STX5: variants seen among roughly 807,000 people sequenced by gnomAD.
The protein encoded by STX5 is syntaxin-5.
Under a neutral mutation model 42.9 loss-of-function variants are expected in STX5, and 15 were observed. That is an observed-to-expected ratio of 0.35 (90% CI 0.23 to 0.54). The LOEUF is 0.54. Among genes scored for constraint, STX5 ranks in the 20% least tolerant of loss-of-function variants. The pLI is 0.91. For missense variants in STX5, 430 were observed against 455.0 expected (o/e 0.95, Z 0.50); for synonymous variants, 184 against 173.2 (o/e 1.06, Z -0.49).
chr11:62,830,102 A>C (rs2084839596), intron 2 of STX5, among the ~76,000 whole-genome samples: 1 of 148,272 alleles, frequency 6.7e-6, no homozygotes, highest in South Asian at 2.1e-4. Flanking sequence ...AGAGGAAGAG[A>C]CTGGGCCTCG....
intron 10 of STX5, among the ~76,000 whole-genome samples, chr11:62,817,871 A>G (rs1025291334): frequency 6.6e-6 from 1 of 152,192 alleles, no homozygotes; most frequent in African/African-American, 2.4e-5. Context: ...ACCTGGAAAC[A>G]TATATATGTA....
intron 2 of STX5, 87 bp from the exon 3 acceptor site, chr11:62,827,718 T>C: frequency 3.0e-6 from 4 of 1,347,534 alleles, no homozygotes; most frequent in Admixed American, 3.6e-5. Flanking sequence ...CACTAACCTA[T>C]CTCTAGTGCT....
chr11:62,814,532 G>A (rs979892531), intron 10 of STX5, among the ~76,000 whole-genome samples: 5 of 151,432 alleles, frequency 3.3e-5, no homozygotes, highest in South Asian at 2.1e-4. Context: ...GCGTGATCTC[G>A]GCTCACCCAA....
At chr11:62,821,920 G>A (rs888896017) in intron 10 of STX5, among the ~76,000 whole-genome samples, 1 of 152,142 alleles carries the variant, frequency 6.6e-6, no homozygotes, top group Admixed American at 6.5e-5. Context: ...CAGCTACTCA[G>A]GAGGCTGAGG....
chr11:62,824,369 C>T, intron 9 of STX5, 82 bp from the exon 10 acceptor site: 1 of 1,612,488 alleles, frequency 6.2e-7, no homozygotes, highest in Non-Finnish European at 8.5e-7. Context: ...CCCAGCTTGC[C>T]ATTCTGCCCA....
rs530035424 is a variant in STX5, at chr11:62,823,821, G to A, written c.908+345C>T. On this transcript the variant is annotated intron_variant, in intron 10 of 10. Transcript: ENST00000294179. ...CTCGGCCTCCCAAAGTGCTGCCTAT[G>A]GGATTACAGGTGTGAGTCACTGTGC... 9.4e-5 allele frequency: 25 copies of A among 266,048 alleles called. 1 individual carries two copies. In the South Asian group the frequency reaches 1.1e-3, roughly 12 times the overall value. 16.5% of individuals were successfully genotyped at this position (266,048 alleles called of 1,614,324 possible). A position where few individuals can be genotyped will look rare whatever the true frequency, so the allele number is the denominator to read the frequency against.
chr11:62,825,937 G>T (rs2084790622), intron 5 of STX5, among the ~76,000 whole-genome samples: 1 of 152,178 alleles, frequency 6.6e-6, no homozygotes, highest in African/African-American at 2.4e-5. Flanking sequence ...AGGCACTGTA[G>T]TTTCGAGAGG....
At chr11:62,813,083 G>C in intron 10 of STX5, among the ~76,000 whole-genome samples, 1 of 138,484 alleles carries the variant, frequency 7.2e-6, no homozygotes, top group South Asian at 2.4e-4. Flanking sequence ...GGCAGAGTGA[G>C]ACTCCGTCTC....
intron 5 of STX5, 49 bp downstream of exon 5, chr11:62,827,104 CAG>C (rs2134853326): frequency 1.3e-6 from 2 of 1,558,816 alleles, no homozygotes; most frequent in East Asian, 4.5e-5. Context: ...GACAGGAAGA[CAG>C]AAGTGATCTG....
Position 62,824,157 on chromosome 11 carries a change from G to A in STX5, c.908+9C>T, listed in dbSNP as rs751875289. Reference sequence around the variant, plus strand: ...GCTCCTCTGTTTGGGGCGAGAGAGTGTATCTCACCTCTGAATGGTTTCCTC... The same window carrying A: ...GCTCCTCTGTTTGGGGCGAGAGAGTATATCTCACCTCTGAATGGTTTCCTC... On this transcript the variant is annotated intron_variant, in intron 10 of 10. Coordinates refer to ENST00000294179, the MANE Select transcript of STX5 (RefSeq NM_003164.5). 1 of 1,614,168 alleles carries A rather than the reference G, an allele frequency of 6.2e-7. No homozygotes were observed.
intron 8 of STX5, 37 bp from the exon 9 acceptor site, chr11:62,824,602 T>A (rs749984448): frequency 6.9e-6 from 11 of 1,602,524 alleles, no homozygotes; most frequent in Middle Eastern, 1.6e-4. Context: ...ACCTTAACAG[T>A]TAAAAGCAGG....
At position 62,807,279 on chromosome 11, in the gene STX5, G is replaced by T; in HGVS notation, c.*190C>A. The T allele has an allele frequency of 1.3e-6, 1 of 776,178 alleles. No homozygotes were observed. Among genetic ancestry groups the T allele is most frequent in the Non-Finnish European group, 2.0e-6 (1 of 507,312 alleles). 48.1% of individuals were successfully genotyped at this position (776,178 alleles called of 1,614,324 possible). On this transcript the variant is annotated 3_prime_UTR_variant, in exon 11 of 11. Transcript: ENST00000294179. ...AACCCTGTGTGTTTCATAGGCCTGAGGGTGGTGGGGGGAGGACAGGGTGGC... is the reference window on the plus strand; with the variant it reads ...AACCCTGTGTGTTTCATAGGCCTGATGGTGGTGGGGGGAGGACAGGGTGGC...
chr11:62,810,331 A>C (rs929129963), intron 10 of STX5, among the ~76,000 whole-genome samples: 2 of 151,678 alleles, frequency 1.3e-5, no homozygotes, highest in African/African-American at 4.8e-5. Context: ...TATCCCAGCT[A>C]CTGGGGAGGC....
At position 62,824,452 on chromosome 11, in the gene STX5, T is replaced by G. The variant is rs1565213597; in HGVS notation, c.786+7A>C. ...AGCTGATTCTACCTAGTTCAGAGCC[T>G]GGGTACCTGCTCGTCAATGAGCTGC... On this transcript the variant is annotated splice_region_variant and intron_variant, in intron 9 of 10. Coordinates refer to ENST00000294179, the MANE Select transcript of STX5 (RefSeq NM_003164.5). 1 of 1,614,126 alleles carries G rather than the reference T, an allele frequency of 6.2e-7. No homozygotes were observed.
At chr11:62,815,102 G>C (rs1385497239) in intron 10 of STX5, among the ~76,000 whole-genome samples, 1 of 151,652 alleles carries the variant, frequency 6.6e-6, no homozygotes, top group Non-Finnish European at 1.5e-5. Context: ...ACACCTCCCA[G>C]GTTCAAGCGA....
chr11:62,821,270 T>C (rs1285235174), intron 10 of STX5, among the ~76,000 whole-genome samples: 1 of 151,690 alleles, frequency 6.6e-6, no homozygotes, highest in Non-Finnish European at 1.5e-5. Flanking sequence ...ATCGAGCCAC[T>C]GTACTCTAGC....
chr11:62,824,989 G>T (rs2084778476), intron 8 of STX5, 47 bp downstream of exon 8: 2 of 1,593,034 alleles, frequency 1.3e-6, no homozygotes, highest in Non-Finnish European at 8.6e-7. Context: ...CACAACCAGA[G>T]TAAGTAACCT....
chr11:62,818,402 CA>C (rs553124975), intron 10 of STX5, among the ~76,000 whole-genome samples: 362 of 145,780 alleles, frequency 2.5e-3, no homozygotes, highest in Non-Finnish European at 2.8e-3. Flanking sequence ...ACTAAAAATA[CA>C]AAAAAAAAAT....
Position 62,827,313 on chromosome 11 carries a change from C to T in STX5, c.352+30G>A, listed in dbSNP as rs777413438. ...CCTCAACCCTCTTTGATTTACTGCCCCACTTCTGAAAGACCCCAAGAACAC... is the reference window on the plus strand; with the variant it reads ...CCTCAACCCTCTTTGATTTACTGCCTCACTTCTGAAAGACCCCAAGAACAC... On this transcript the variant is annotated intron_variant, in intron 4 of 10. Coordinates refer to ENST00000294179, the MANE Select transcript of STX5 (RefSeq NM_003164.5). The T allele has an allele frequency of 3.5e-5, 57 of 1,614,022 alleles. No homozygotes were observed. The East Asian group carries it at 1.2e-3, about 33-fold the overall frequency.
Sources: gnomAD v4.1 joint callset for allele counts (sites outside exome capture counted in the v4.1 genomes callset) on GRCh38, gnomAD v4.1.1 for gene constraint, MANE v1.5 for transcripts, NCBI Gene and HGNC (gene_info 2026-07-23, HGNC 2026-07-21) for gene names.